Variants in RAB39A observed in about 807,000 individuals in gnomAD.
RAB39A encodes ras-related protein Rab-39A.
A neutral mutation model predicts 20.9 loss-of-function variants in RAB39A; 17 were observed. The observed-to-expected ratio is 0.81, with a 90% confidence interval of 0.56 to 1.22. The LOEUF (loss-of-function observed/expected upper bound fraction) is 1.22, where lower values mean the gene tolerates loss of function less well. RAB39A is among the 50% of genes most tolerant of loss of function. The probability of loss-of-function intolerance (pLI) is 0.00; values close to 1 mark genes in which losing one functional copy is unlikely to be tolerated. For missense variants in RAB39A, 234 were observed against 270.5 expected (o/e 0.87, Z 0.95); for synonymous variants, 99 against 103.4 (o/e 0.96, Z 0.26).
chr11:107,933,862 G>A (rs1255703307), intron 1 of RAB39A, among the ~76,000 whole-genome samples: 11 of 143,568 alleles, frequency 7.7e-5, no homozygotes, highest in African/African-American at 2.6e-4. Context: ...CACCATATTG[G>A]CCAGGCTGGT....
chr11:107,953,443 G>A (rs1861402418), intron 1 of RAB39A, among the ~76,000 whole-genome samples: 1 of 152,194 alleles, frequency 6.6e-6, no homozygotes, highest in Non-Finnish European at 1.5e-5. Context: ...GATCCTGGGA[G>A]TCTGGGCAGT....
At chr11:107,931,025 G>A (rs1042066272) in intron 1 of RAB39A, among the ~76,000 whole-genome samples, 4 of 147,274 alleles carry the variant, frequency 2.7e-5, no homozygotes, top group Non-Finnish European at 4.5e-5. Context: ...GGCCCAGGCT[G>A]GAGTGCAATG....
chr11:107,959,346 C>T lies in RAB39A; in HGVS notation c.228-2600C>T, dbSNP rs151262953. Among the ~76,000 whole-genome samples the T allele has an allele frequency of 4.8e-3, 726 of 152,228 alleles. 4 individuals carry two copies. The highest frequency in any genetic ancestry group is 0.016 in the African/African-American group (677 of 41,520). On this transcript the variant is annotated intron_variant, in intron 1 of 1. Transcript: ENST00000320578. Reference sequence around the variant, plus strand: ...AGAACATAGCCTTAATTAGATTTCTCTTAAGACACTGCACATCTGCCTAAA... The same window carrying T: ...AGAACATAGCCTTAATTAGATTTCTTTTAAGACACTGCACATCTGCCTAAA...
intron 1 of RAB39A, among the ~76,000 whole-genome samples, chr11:107,960,411 G>C (rs192197716): frequency 1.5e-3 from 229 of 152,264 alleles, no homozygotes; most frequent in African/African-American, 5.4e-3. Flanking sequence ...TGCTCAGATG[G>C]TATGATTATT....
Position 107,947,399 on chromosome 11 carries a change from G to A in RAB39A, c.228-14547G>A, listed in dbSNP as rs184469706. On this transcript the variant is annotated intron_variant, in intron 1 of 1. Transcript: ENST00000320578. ...TGGGATTACAGGTATGAGCCACCGC[G>A]CCTGGCCAAGATGATTTTTCTTTAA... Among the ~76,000 whole-genome samples the A allele has an allele frequency of 5.8e-3, 887 of 152,224 alleles. 8 individuals are homozygous for A. The highest frequency in any genetic ancestry group is 0.02 in the African/African-American group (825 of 41,528).
At chr11:107,938,239 A>G (rs867701872) in intron 1 of RAB39A, among the ~76,000 whole-genome samples, 1 of 151,798 alleles carries the variant, frequency 6.6e-6, no homozygotes, top group Non-Finnish European at 1.5e-5. Context: ...GCACACCTGT[A>G]ATCCCAGCTA....
chr11:107,945,496 A>C (rs1861299564), intron 1 of RAB39A, among the ~76,000 whole-genome samples: 1 of 152,168 alleles, frequency 6.6e-6, no homozygotes, highest in South Asian at 2.1e-4. Context: ...AAATTTTGGA[A>C]GCAGGAAAGC....
At chr11:107,934,378 G>A (rs544798642) in intron 1 of RAB39A, among the ~76,000 whole-genome samples, 24 of 152,216 alleles carry the variant, frequency 1.6e-4, no homozygotes, top group African/African-American at 5.1e-4. Flanking sequence ...AGGCTTCTGT[G>A]AGCTATGATC....
At chr11:107,929,356 G>C (rs1016663046) in intron 1 of RAB39A, among the ~76,000 whole-genome samples, 1 of 152,212 alleles carries the variant, frequency 6.6e-6, no homozygotes, top group Non-Finnish European at 1.5e-5. Context: ...TCACAGAGAG[G>C]TGGATGCGGT....
intron 1 of RAB39A, among the ~76,000 whole-genome samples, chr11:107,933,538 C>T (rs956209478): frequency 1.3e-5 from 2 of 151,646 alleles, no homozygotes; most frequent in African/African-American, 2.4e-5. Context: ...CGCCACAGCA[C>T]CTGGCCAATT....
intron 1 of RAB39A, among the ~76,000 whole-genome samples, chr11:107,944,067 C>G (rs558336115): frequency 6.6e-6 from 1 of 151,858 alleles, no homozygotes; most frequent in African/African-American, 2.4e-5. Flanking sequence ...TGCACTCCAT[C>G]CAGGGCGACA....
rs915928134 is a variant in RAB39A at position 107,953,384 on chromosome 11, T to C, written c.228-8562T>C. ...AGAGTTAGTAGAAGAATGGTTGAGG[T>C]GCAGAGACTTGATGGGAAAGTGGAG... On this transcript the variant is annotated intron_variant, in intron 1 of 1. Transcript: ENST00000320578. 2.0e-5 allele frequency among the ~76,000 whole-genome samples: 3 copies of C among 152,212 alleles called. No individual in the cohort carries two copies. The South Asian group carries it at 6.2e-4, about 32-fold the overall frequency.
At chr11:107,934,781 T>C (rs1861176464) in intron 1 of RAB39A, among the ~76,000 whole-genome samples, 1 of 151,488 alleles carries the variant, frequency 6.6e-6, no homozygotes, top group Non-Finnish European at 1.5e-5. Context: ...ATACAAAAAT[T>C]AGCCAGGCGT....
At chr11:107,947,807 C>CAAAAA (rs35694249) in intron 1 of RAB39A, among the ~76,000 whole-genome samples, 24 of 80,178 alleles carry the variant, frequency 3.0e-4, no homozygotes, top group Middle Eastern at 0.015. Flanking sequence ...CATCAACAGG[C>CAAAAA]AAAAAAAAAA....
chr11:107,928,672 G>T lies in RAB39A; in HGVS notation c.104G>T (p.Gly35Val), dbSNP rs1361161481. 39 of 1,612,436 alleles carry T rather than the reference G, an allele frequency of 2.4e-5. No homozygotes were observed. The highest frequency in any genetic ancestry group is 3.0e-5 in the Non-Finnish European group (35 of 1,179,170). ...LHRFTQGRFP[G>V]LRSPACDPTV... ...CGCTTCACCCAGGGCCGCTTCCCCG[G>T]GCTGCGCTCCCCCGCCTGCGACCCC... The change falls in exon 1 of 2, where the codon GGG (glycine) becomes GTG (valine). Residue 35 changes from glycine (G) to valine (V), a missense_variant. Coordinates refer to ENST00000320578, the MANE Select transcript of RAB39A (RefSeq NM_017516.3). This position sits in a 1 kb window ranked among gnomAD's most constrained non-coding sequence, Gnocchi z 4.9.
chr11:107,928,657 A>G lies in RAB39A; in HGVS notation c.89A>G (p.Gln30Arg), dbSNP rs1426565545. ...GKSCLLHRFTQGRFPGLRSPA... is the reference protein window; with the variant it reads ...GKSCLLHRFTRGRFPGLRSPA... The stretch of plus-strand genomic sequence containing the variant: ...TCCTGCCTCCTGCACCGCTTCACCC[A>G]GGGCCGCTTCCCCGGGCTGCGCTCC... Residue 30 changes from glutamine (Q) to arginine (R), a missense_variant, in exon 1 of 2, where the codon CAG (glutamine) becomes CGG (arginine). Gln to Arg is a conservative substitution (Grantham distance 43, BLOSUM62 1). Transcript: ENST00000320578. The surrounding 1 kb of genome is among the most constrained non-coding windows in gnomAD (Gnocchi z 4.9). 6.2e-7 allele frequency: 1 copy of G among 1,612,656 alleles called. No individual in the cohort carries two copies. The highest frequency in any genetic ancestry group is 8.5e-7 in the Non-Finnish European group (1 of 1,179,126).
chr11:107,932,560 C>T (rs1861149157), intron 1 of RAB39A, among the ~76,000 whole-genome samples: 1 of 152,198 alleles, frequency 6.6e-6, no homozygotes, highest in South Asian at 2.1e-4. Context: ...GTGAGGCCAA[C>T]ATGGTATAGA....
intron 1 of RAB39A, among the ~76,000 whole-genome samples, chr11:107,937,839 C>T (rs573380000): frequency 2.0e-5 from 3 of 152,148 alleles, no homozygotes; most frequent in Non-Finnish European, 4.4e-5. Flanking sequence ...ATCTCATTGA[C>T]TACTTAACTA....
intron 1 of RAB39A, among the ~76,000 whole-genome samples, chr11:107,949,955 A>G (rs904020100): frequency 2.6e-5 from 4 of 151,646 alleles, no homozygotes; most frequent in African/African-American, 9.7e-5. Context: ...GGCGTATTAC[A>G]AGGTGAGGAG....
Sources: allele counts gnomAD v4.1 joint callset (sites outside exome capture counted in the v4.1 genomes callset), GRCh38; gene constraint gnomAD v4.1.1; non-coding constraint Gnocchi (gnomAD v3.1); transcripts MANE v1.5; gene names NCBI Gene and HGNC (gene_info 2026-07-23, HGNC 2026-07-21).